The following TSC22D1 variants were observed in gnomAD, a reference collection of about 807,000 sequenced individuals.
TSC22D1 encodes the protein TSC22 domain family protein 1.
In TSC22D1, 9 loss-of-function variants were observed where a neutral mutation model predicts 74.2. The ratio of observed to expected loss-of-function variants is 0.12; its 90% CI spans 0.07 to 0.21. TSC22D1 has a LOEUF of 0.21. Among genes scored for constraint, TSC22D1 ranks in the 10% least tolerant of loss-of-function variants. TSC22D1 has a pLI of 1.00. For synonymous variants in TSC22D1, 586 were observed against 492.5 expected, an observed-to-expected ratio of 1.19 and a Z score of -2.51; for missense variants, 1,427 against 1,304.7, an observed-to-expected ratio of 1.09 and a Z score of -1.44.
Position 44,434,525 on chromosome 13 carries a change from G to A in TSC22D1, c.*101C>T, listed in dbSNP as rs763749624. 17 of 1,463,978 alleles carry A rather than the reference G, an allele frequency of 1.2e-5. No individual in the cohort carries two copies. In the Admixed American group the frequency reaches 2.6e-4, roughly 23 times the overall value. The allele number at this position is 1,463,978 out of a possible 1,614,324, so 90.7% of individuals were successfully genotyped here. A position where few individuals can be genotyped will look rare whatever the true frequency, so the allele number is the denominator to read the frequency against. The stretch of plus-strand genomic sequence containing the variant: ...GTCAGTCTCACGTCTCTTTCGCAGC[G>A]AGCAATGAAATGGGTGACTGTGGAG... On this transcript the variant is annotated 3_prime_UTR_variant, in exon 3 of 3. Transcript: ENST00000458659.
At chr13:44,485,512 A>G (rs1293566371) in intron 1 of TSC22D1, among the ~76,000 whole-genome samples, 1 of 152,138 alleles carries the variant, frequency 6.6e-6, no homozygotes, top group Non-Finnish European at 1.5e-5. Flanking sequence ...TTCTAATTAG[A>G]AAGACATTTC....
chr13:44,517,317 G>A (rs75912875), intron 1 of TSC22D1, among the ~76,000 whole-genome samples: 2,281 of 141,636 alleles, frequency 0.016, 46 homozygotes, highest in African/African-American at 0.052. Context: ...CATCGTTACC[G>A]TAAAAACAAA....
intron 1 of TSC22D1, among the ~76,000 whole-genome samples, chr13:44,563,412 A>G (rs967116496): frequency 2.6e-5 from 4 of 152,236 alleles, no homozygotes; most frequent in South Asian, 2.1e-4. Context: ...ATAGAAATGC[A>G]TAACATCCAA....
chr13:44,559,746 A>G (rs1882912894), intron 1 of TSC22D1, among the ~76,000 whole-genome samples: 1 of 150,470 alleles, frequency 6.6e-6, no homozygotes, highest in Non-Finnish European at 1.5e-5. Context: ...GCTGGAGTAC[A>G]GTGGCGTGAT....
intron 1 of TSC22D1, among the ~76,000 whole-genome samples, chr13:44,517,823 G>A (rs113539378): frequency 0.099 from 3,547 of 35,816 alleles, 317 homozygotes; most frequent in Non-Finnish European, 0.14. Flanking sequence ...GTGTGTGTGT[G>A]TGTGTGTATA....
At chr13:44,485,126 T>C (rs1343086929) in intron 1 of TSC22D1, among the ~76,000 whole-genome samples, 1 of 152,170 alleles carries the variant, frequency 6.6e-6, no homozygotes, top group Non-Finnish European at 1.5e-5. Context: ...GCAGCAATAA[T>C]AGTACATATC....
At chr13:44,436,282 C>G in intron 1 of TSC22D1, 187 bp from the exon 2 acceptor site, 1 of 879,290 alleles carries the variant, frequency 1.1e-6, no homozygotes, top group South Asian at 1.7e-5. Context: ...AGGCATCTCC[C>G]TATTTTAGTA....
At chr13:44,493,245 C>A (rs893262539) in intron 1 of TSC22D1, among the ~76,000 whole-genome samples, 2 of 152,176 alleles carry the variant, frequency 1.3e-5, no homozygotes, top group Admixed American at 1.3e-4. Flanking sequence ...ACAATCTTGA[C>A]AATGGCAGCC....
At chr13:44,486,216 C>CA (rs1410491960) in intron 1 of TSC22D1, among the ~76,000 whole-genome samples, 1 of 151,452 alleles carries the variant, frequency 6.6e-6, no homozygotes, top group Non-Finnish European at 1.5e-5. Flanking sequence ...GTCACCCCCA[C>CA]AAAAAAACAA....
At chr13:44,520,990 T>C (rs1880287354) in intron 1 of TSC22D1, among the ~76,000 whole-genome samples, 1 of 152,150 alleles carries the variant, frequency 6.6e-6, no homozygotes, top group African/African-American at 2.4e-5. Flanking sequence ...TATTAGTCCC[T>C]TTGCAGATGA....
chr13:44,476,729 T>C (rs992676217), intron 1 of TSC22D1, among the ~76,000 whole-genome samples: 8 of 152,242 alleles, frequency 5.3e-5, no homozygotes, highest in African/African-American at 1.7e-4. Context: ...CAGGCTGGAG[T>C]GCAGTGGCAT....
intron 1 of TSC22D1, among the ~76,000 whole-genome samples, chr13:44,477,638 ATTTTTTTTTTT>A (rs35355914): frequency 8.0e-6 from 1 of 125,390 alleles, no homozygotes; most frequent in African/African-American, 3.0e-5. Context: ...GTGCTCATAG[ATTTTTTTTTTT>A]TTTTTTTTTT....
At chr13:44,498,705 T>G (rs886389213) in intron 1 of TSC22D1, among the ~76,000 whole-genome samples, 1 of 152,172 alleles carries the variant, frequency 6.6e-6, no homozygotes, top group Non-Finnish European at 1.5e-5. Flanking sequence ...CACTCATCCT[T>G]CACTACCTGA....
chr13:44,499,017 A>C (rs1411051231), intron 1 of TSC22D1, among the ~76,000 whole-genome samples: 1 of 152,230 alleles, frequency 6.6e-6, no homozygotes, highest in Non-Finnish European at 1.5e-5. Flanking sequence ...AAATCCTTTA[A>C]TTAGTTTAGA....
chr13:44,434,233 C>G lies in TSC22D1; in HGVS notation c.*393G>C. On this transcript the variant is annotated 3_prime_UTR_variant, in exon 3 of 3. Transcript: ENST00000458659. Reference sequence around the variant, plus strand: ...GGAGAGAGGCGAGTCCAGTGAGGAGCTCCATCGCTTCACAACCCCATGTAG... The same window carrying G: ...GGAGAGAGGCGAGTCCAGTGAGGAGGTCCATCGCTTCACAACCCCATGTAG... 1.5e-5 allele frequency: 21 copies of G among 1,419,270 alleles called. No individual in the cohort carries two copies. The highest frequency in any genetic ancestry group is 1.8e-5 in the Non-Finnish European group (20 of 1,100,518). 87.9% of individuals were successfully genotyped at this position (1,419,270 alleles called of 1,614,324 possible).
At chr13:44,571,133 T>C (rs868052822) in intron 1 of TSC22D1, among the ~76,000 whole-genome samples, 1 of 152,316 alleles carries the variant, frequency 6.6e-6, no homozygotes, top group South Asian at 2.1e-4. Flanking sequence ...GTCCCTGCTC[T>C]TGAGGAACTC....
chr13:44,436,230 C>A, intron 1 of TSC22D1, 135 bp from the exon 2 acceptor site: 1 of 1,099,930 alleles, frequency 9.1e-7, no homozygotes, highest in Non-Finnish European at 1.3e-6. Flanking sequence ...TAATGTATCA[C>A]CCTCCAGAAA....
intron 1 of TSC22D1, among the ~76,000 whole-genome samples, chr13:44,500,095 G>GAAAAAAAAAAAAAAAAAAA (rs751648270): frequency 1.5e-5 from 1 of 68,784 alleles, no homozygotes. Context: ...TCTCAAAAAA[G>GAAAAAAAAAAAAAAAAAAA]AAAAAAAAAA....
intron 1 of TSC22D1, among the ~76,000 whole-genome samples, chr13:44,446,557 G>C (rs537582758): frequency 6.6e-6 from 1 of 152,000 alleles, no homozygotes; most frequent in Non-Finnish European, 1.5e-5. Flanking sequence ...TTGGGCAACG[G>C]GATTATTAGA....
Sources: gnomAD v4.1 joint callset for allele counts (sites outside exome capture counted in the v4.1 genomes callset) on GRCh38, gnomAD v4.1.1 for gene constraint, MANE v1.5 for transcripts, NCBI Gene and HGNC (gene_info 2026-07-23, HGNC 2026-07-21) for gene names.